Variants in MSRA observed in about 807,000 individuals in gnomAD.
MSRA encodes the protein methionine sulfoxide reductase A, also known as mitochondrial peptide methionine sulfoxide reductase.
MSRA carries 54 observed loss-of-function variants against 31.3 expected under a neutral mutation model. The ratio of observed to expected loss-of-function variants is 1.73; its 90% CI spans 1.39 to 2.17. The LOEUF is 2.17. MSRA is among the 30% of genes most tolerant of loss of function. The pLI is 0.00. For synonymous variants in MSRA, 169 were observed against 116.5 expected (o/e 1.45, Z -2.90); for missense variants, 507 against 300.9 (o/e 1.69, Z -5.07).
intron 1 of MSRA, among the ~76,000 whole-genome samples, chr8:10,195,802 G>A (rs1338497762): frequency 6.6e-6 from 1 of 152,226 alleles, no homozygotes; most frequent in Admixed American, 6.5e-5. Context: ...TAATGACACA[G>A]TTCATGCTCC....
chr8:10,419,240 G>T (rs1585738908), intron 5 of MSRA, among the ~76,000 whole-genome samples: 1 of 152,120 alleles, frequency 6.6e-6, no homozygotes, highest in Non-Finnish European at 1.5e-5. Flanking sequence ...CGGCATCCTG[G>T]GGGCTTCCTT....
At chr8:10,166,464 T>C (rs1238363323) in intron 1 of MSRA, among the ~76,000 whole-genome samples, 1 of 152,166 alleles carries the variant, frequency 6.6e-6, no homozygotes, top group Non-Finnish European at 1.5e-5. Context: ...ATATGTTATA[T>C]TTACATGACT....
intron 3 of MSRA, among the ~76,000 whole-genome samples, chr8:10,269,902 C>T (rs1382119368): frequency 2.0e-5 from 3 of 152,116 alleles, no homozygotes; most frequent in African/African-American, 7.2e-5. Flanking sequence ...CTGCCCACCT[C>T]AGCCTCCCAA....
intron 5 of MSRA, among the ~76,000 whole-genome samples, chr8:10,390,008 G>T (rs55640501): frequency 6.6e-6 from 1 of 152,168 alleles, no homozygotes; most frequent in South Asian, 2.1e-4. Context: ...TACCAGGTCA[G>T]ACTCTGCTTC....
At chr8:10,334,439 G>T (rs564142955) in intron 5 of MSRA, among the ~76,000 whole-genome samples, 2 of 151,982 alleles carry the variant, frequency 1.3e-5, no homozygotes, top group Non-Finnish European at 2.9e-5. Context: ...ACCGGGGGCG[G>T]GGGGGAGGTG....
At chr8:10,145,468 T>A (rs1257814582) in intron 1 of MSRA, among the ~76,000 whole-genome samples, 1 of 152,188 alleles carries the variant, frequency 6.6e-6, no homozygotes, top group African/African-American at 2.4e-5. Flanking sequence ...ACCATCTGAT[T>A]TTTTAGGTTG....
At chr8:10,395,064 C>G (rs1241485519) in intron 5 of MSRA, among the ~76,000 whole-genome samples, 2 of 152,220 alleles carry the variant, frequency 1.3e-5, no homozygotes, top group Non-Finnish European at 2.9e-5. Flanking sequence ...GAAGCCAACA[C>G]ACACAGTCAC....
intron 2 of MSRA, among the ~76,000 whole-genome samples, chr8:10,240,932 G>A (rs1451564289): frequency 6.6e-6 from 1 of 152,108 alleles, no homozygotes; most frequent in African/African-American, 2.4e-5. Flanking sequence ...GAGGGAGTTG[G>A]TGCAGCCTGG....
intron 5 of MSRA, among the ~76,000 whole-genome samples, chr8:10,406,838 G>C (rs1331019386): frequency 6.6e-6 from 1 of 152,224 alleles, no homozygotes; most frequent in Non-Finnish European, 1.5e-5. Flanking sequence ...ATGGCCCTGA[G>C]TCTTGCCTTG....
chr8:10,243,489 A>G (rs1585256394), intron 2 of MSRA, among the ~76,000 whole-genome samples: 1 of 152,320 alleles, frequency 6.6e-6, no homozygotes, highest in East Asian at 1.9e-4. Flanking sequence ...ATTTATTTAT[A>G]TTCACTAGCA....
intron 1 of MSRA, among the ~76,000 whole-genome samples, chr8:10,144,329 C>G (rs909413959): frequency 6.6e-6 from 1 of 152,148 alleles, no homozygotes; most frequent in Non-Finnish European, 1.5e-5. Flanking sequence ...TCTGCCACCT[C>G]CTAGGTGTGT....
intron 3 of MSRA, among the ~76,000 whole-genome samples, chr8:10,285,849 A>G (rs981323588): frequency 3.3e-5 from 5 of 152,200 alleles, no homozygotes; most frequent in Non-Finnish European, 4.4e-5. Context: ...AAAATTAAAT[A>G]TTAATTTTAA....
At chr8:10,397,950 T>G (rs1807203355) in intron 5 of MSRA, among the ~76,000 whole-genome samples, 1 of 152,204 alleles carries the variant, frequency 6.6e-6, no homozygotes, top group African/African-American at 2.4e-5. Context: ...CTTGTTAATG[T>G]GAAAAGCCTT....
intron 5 of MSRA, among the ~76,000 whole-genome samples, chr8:10,320,658 T>C (rs1801998379): frequency 6.6e-6 from 1 of 152,242 alleles, no homozygotes; most frequent in South Asian, 2.1e-4. Context: ...ACAGCCTGGT[T>C]AGTTTAAACA....
rs973987882 is a variant in MSRA at position 10,248,556 on chromosome 8, G to T, written c.331+3333G>T. Among the ~76,000 whole-genome samples the T allele has an allele frequency of 3.3e-5, 5 of 152,196 alleles. No homozygotes were observed. In the East Asian group the frequency reaches 5.8e-4, roughly 18 times the overall value. On this transcript the variant is annotated intron_variant, in intron 3 of 5. Transcript: ENST00000317173. Reference sequence around the variant, plus strand: ...CAGTGGGTCTGCACAGCCTCAACAGGGGAGAAGTGAGCGAGAGAGTGTGGA... The same window carrying T: ...CAGTGGGTCTGCACAGCCTCAACAGTGGAGAAGTGAGCGAGAGAGTGTGGA...
At chr8:10,062,961 C>G (rs758525066) in intron 1 of MSRA, among the ~76,000 whole-genome samples, 5 of 152,140 alleles carry the variant, frequency 3.3e-5, no homozygotes, top group Non-Finnish European at 7.4e-5. Flanking sequence ...GGGTAAGAGT[C>G]TGGCCATGGC....
intron 2 of MSRA, among the ~76,000 whole-genome samples, chr8:10,243,608 T>G (rs1185075077): frequency 6.6e-6 from 1 of 152,226 alleles, no homozygotes; most frequent in Non-Finnish European, 1.5e-5. Context: ...GTAAATTTTT[T>G]ATTCTTAAAG....
chr8:10,263,282 ACTGT>A (rs1461954877), intron 3 of MSRA, among the ~76,000 whole-genome samples: 1 of 152,066 alleles, frequency 6.6e-6, no homozygotes, highest in Non-Finnish European at 1.5e-5. Flanking sequence ...AGTAACTCAG[ACTGT>A]CTGTCACAGG....
At chr8:10,419,392 T>A (rs1808677927) in intron 5 of MSRA, among the ~76,000 whole-genome samples, 1 of 151,656 alleles carries the variant, frequency 6.6e-6, no homozygotes, top group Non-Finnish European at 1.5e-5. Flanking sequence ...CCTAACTGCT[T>A]TGGGTTTCCT....
Sources: gnomAD v4.1 joint callset for allele counts (sites outside exome capture counted in the v4.1 genomes callset) on GRCh38, gnomAD v4.1.1 for gene constraint, MANE v1.5 for transcripts, NCBI Gene and HGNC (gene_info 2026-07-23, HGNC 2026-07-21) for gene names.